Variants in MTUS2 observed in about 807,000 individuals in gnomAD.
The protein encoded by MTUS2 is microtubule-associated tumor suppressor candidate 2.
Under a neutral mutation model 114.1 loss-of-function variants are expected in MTUS2, and 40 were observed. That is an observed-to-expected ratio of 0.35 (90% confidence interval 0.27 to 0.46). MTUS2 has a LOEUF of 0.46. Among genes scored for constraint, MTUS2 ranks in the 20% least tolerant of loss-of-function variants. The pLI is 1.00. For synonymous variants in MTUS2, 688 were observed against 672.0 expected (o/e 1.02, Z -0.37); for missense variants, 1,679 against 1,705.4 (o/e 0.98, Z 0.27).
Position 29,324,526 on chromosome 13 carries a change from T to C in MTUS2, c.2807-87T>C, listed in dbSNP as rs917868903. Reference sequence around the variant, plus strand: ...CTTTTGTTGATATGTTTGACTTTCTTGAAGCCACCCTTTCCACAACTTATG... The same window carrying C: ...CTTTTGTTGATATGTTTGACTTTCTCGAAGCCACCCTTTCCACAACTTATG... On this transcript the variant is annotated intron_variant, in intron 6 of 15. Transcript: ENST00000612955. The C allele has an allele frequency of 3.1e-5, 31 of 985,218 alleles. No homozygotes were observed. The African/African-American group carries it at 3.4e-4, about 11-fold the overall frequency. The allele number at this position is 985,218 out of a possible 1,614,324, so 61.0% of individuals were successfully genotyped here. A position where few individuals can be genotyped will look rare whatever the true frequency, so the allele number is the denominator to read the frequency against.
intron 6 of MTUS2, among the ~76,000 whole-genome samples, chr13:29,289,797 T>G (rs1898633689): frequency 6.6e-6 from 1 of 152,138 alleles, no homozygotes; most frequent in African/African-American, 2.4e-5. Flanking sequence ...CTATTTGAGT[T>G]TTAGAGGGTT....
At chr13:29,462,407 G>A (rs916056180) in intron 9 of MTUS2, among the ~76,000 whole-genome samples, 1 of 152,176 alleles carries the variant, frequency 6.6e-6, no homozygotes, top group Non-Finnish European at 1.5e-5. Context: ...TTTGGCTGCT[G>A]TGCTGAGATT....
rs1194956189 is a variant in MTUS2 at position 29,389,703 on chromosome 13, GTGTA to G, written c.3117+30232_3117+30235del. 1.2e-4 allele frequency among the ~76,000 whole-genome samples: 17 copies of G among 136,814 alleles called. 1 individual carries two copies. The highest frequency in any genetic ancestry group is 4.7e-4 in the African/African-American group (15 of 32,150). 89.8% of individuals were successfully genotyped at this position (136,814 alleles called of 152,430 possible). On this transcript the variant is annotated intron_variant, in intron 8 of 15. Coordinates refer to ENST00000612955, the MANE Select transcript of MTUS2 (RefSeq NM_001033602.4). Reference sequence around the variant, plus strand: ...TATATGTATGTATATATGTGTATATGTGTATATGTATATATACATACATATGTGT... The same window carrying G: ...TATATGTATGTATATATGTGTATATGTATGTATATATACATACATATGTGT...
chr13:29,203,684 G>T (rs1188567499), intron 5 of MTUS2, among the ~76,000 whole-genome samples: 1 of 152,120 alleles, frequency 6.6e-6, no homozygotes, highest in African/African-American at 2.4e-5. Flanking sequence ...TGGTCTGTGG[G>T]TTGTGAAGAC....
chr13:28,977,993 G>A (rs1035777502), intron 2 of MTUS2, among the ~76,000 whole-genome samples: 3 of 152,102 alleles, frequency 2.0e-5, no homozygotes, highest in Admixed American at 6.5e-5. Context: ...GCCATGCCAT[G>A]GTCACAAAGA....
At chr13:28,909,031 T>G (rs1880231496) in intron 2 of MTUS2, among the ~76,000 whole-genome samples, 1 of 151,590 alleles carries the variant, frequency 6.6e-6, no homozygotes, top group Non-Finnish European at 1.5e-5. Flanking sequence ...AGGGCTGTGT[T>G]CTGTTCCATT....
At chr13:29,079,047 G>A (rs1184064096) in intron 4 of MTUS2, among the ~76,000 whole-genome samples, 1 of 152,142 alleles carries the variant, frequency 6.6e-6, no homozygotes, top group Non-Finnish European at 1.5e-5. Flanking sequence ...GCTATATGTG[G>A]AGGGCTCCAG....
intron 5 of MTUS2, among the ~76,000 whole-genome samples, chr13:29,215,524 G>C (rs1327643278): frequency 8.3e-6 from 1 of 119,854 alleles, no homozygotes; most frequent in Non-Finnish European, 1.7e-5. Flanking sequence ...ATCTACCTTT[G>C]ATCTTTGATG....
chr13:29,460,846 C>G (rs919606206), intron 9 of MTUS2, among the ~76,000 whole-genome samples: 1 of 150,474 alleles, frequency 6.6e-6, no homozygotes, highest in Non-Finnish European at 1.5e-5. Flanking sequence ...TTCACAGACA[C>G]ATTCATAGAC....
chr13:29,077,653 G>C (rs920254310), intron 4 of MTUS2, among the ~76,000 whole-genome samples: 1 of 152,176 alleles, frequency 6.6e-6, no homozygotes, highest in African/African-American at 2.4e-5. Context: ...GTCAGCCCTG[G>C]TAGGGACTAC....
intron 5 of MTUS2, among the ~76,000 whole-genome samples, chr13:29,235,397 A>T (rs1471148831): frequency 6.6e-6 from 1 of 152,138 alleles, no homozygotes; most frequent in Non-Finnish European, 1.5e-5. Context: ...CCGGCCAATA[A>T]TGGTAATTTT....
Position 29,496,670 on chromosome 13 carries a change from G to C in MTUS2, c.3580-568G>C, listed in dbSNP as rs1027053222. Among the ~76,000 whole-genome samples, 18 of 152,134 alleles carry C rather than the reference G, an allele frequency of 1.2e-4. No individual in the cohort carries two copies. Among genetic ancestry groups the C allele is most frequent in the African/African-American group, 4.3e-4 (18 of 41,432 alleles). Reference sequence around the variant, plus strand: ...AAAAGAGGAACCGTGCCAGGAAGGAGCCGGCAGAGTGGCCTGAGCTCAGGG... The same window carrying C: ...AAAAGAGGAACCGTGCCAGGAAGGACCCGGCAGAGTGGCCTGAGCTCAGGG... On this transcript the variant is annotated intron_variant, in intron 12 of 15. Transcript: ENST00000612955. The surrounding 1 kb of genome is among the most constrained non-coding windows in gnomAD (Gnocchi z 4.3).
At chr13:29,389,515 G>A (rs1209308059) in intron 8 of MTUS2, among the ~76,000 whole-genome samples, 2 of 71,692 alleles carry the variant, frequency 2.8e-5, no homozygotes, top group African/African-American at 7.8e-5. Context: ...ACACGTGTGT[G>A]TATGTGTATA....
At chr13:29,008,198 G>A (rs1445330838) in intron 2 of MTUS2, among the ~76,000 whole-genome samples, 1 of 152,158 alleles carries the variant, frequency 6.6e-6, no homozygotes, top group Non-Finnish European at 1.5e-5. Context: ...TCAGTCAACA[G>A]AGCCCCATCT....
At chr13:29,096,193 G>T (rs775348521) in intron 4 of MTUS2, among the ~76,000 whole-genome samples, 4 of 152,130 alleles carry the variant, frequency 2.6e-5, no homozygotes, top group African/African-American at 4.8e-5. Context: ...CCCTTGCACT[G>T]TGAATTCACT....
chr13:29,054,682 C>A (rs1593427178), intron 4 of MTUS2, among the ~76,000 whole-genome samples: 1 of 152,034 alleles, frequency 6.6e-6, no homozygotes, highest in Middle Eastern at 3.4e-3. Flanking sequence ...TTACCACAAT[C>A]AAAAAAATTC....
chr13:29,317,432 C>CTTTTTTT (rs552766235), intron 6 of MTUS2, among the ~76,000 whole-genome samples: 2 of 51,666 alleles, frequency 3.9e-5, no homozygotes, highest in African/African-American at 1.3e-4. Flanking sequence ...CTCTCTCTCT[C>CTTTTTTT]TTTTTTTTTT....
chr13:29,232,403 A>G (rs1896369878), intron 5 of MTUS2, among the ~76,000 whole-genome samples: 1 of 152,168 alleles, frequency 6.6e-6, no homozygotes, highest in African/African-American at 2.4e-5. Flanking sequence ...GTTTTATGTA[A>G]TCATAAATTC....
In MTUS2 at chr13:29,382,297, G is replaced by A. The variant is rs143287872; in HGVS notation, c.3117+22824G>A. 6.2e-3 allele frequency among the ~76,000 whole-genome samples: 950 copies of A among 152,276 alleles called. 5 individuals are homozygous for A. Among genetic ancestry groups the A allele is most frequent in the Admixed American group, 0.012 (184 of 15,298 alleles). ...CTCTGAGTGGAGGGTGATCTGAGAA[G>A]ACTCACACTTGGGGGACAGATAGGC... On this transcript the variant is annotated intron_variant, in intron 8 of 15. Transcript: ENST00000612955.
Sources: gnomAD v4.1 joint callset for allele counts (sites outside exome capture counted in the v4.1 genomes callset) on GRCh38, gnomAD v4.1.1 for gene constraint, Gnocchi (gnomAD v3.1) non-coding constraint, MANE v1.5 for transcripts, NCBI Gene and HGNC (gene_info 2026-07-23, HGNC 2026-07-21) for gene names.